FTCDNL1: variants seen among roughly 807,000 people sequenced by gnomAD.
FTCDNL1 encodes formiminotransferase N-terminal subdomain-containing protein.
FTCDNL1 carries 11 observed loss-of-function variants against 5.9 expected under a neutral mutation model. That is an observed-to-expected ratio of 1.87 (90% CI 1.18 to 3.10). The LOEUF (loss-of-function observed/expected upper bound fraction) is 3.10. Ranked by LOEUF, FTCDNL1 falls within the 30% of genes most tolerant of loss-of-function variation. FTCDNL1 has a pLI of 0.00. For synonymous variants in FTCDNL1, 58 were observed against 24.8 expected, an observed-to-expected ratio of 2.34 and a Z score of -3.99; for missense variants, 115 against 65.5, an observed-to-expected ratio of 1.76 and a Z score of -2.61.
At chr2:199,706,489 C>T in the FTCDNL1 span, among the ~76,000 whole-genome samples, 24 of 152,138 alleles carry the variant, frequency 1.6e-4, no homozygotes, top group African/African-American at 5.3e-4. Context: ...TAATGCCAAC[C>T]GGTTAAACCA....
chr2:199,765,556 A>AT lies in FTCDNL1; in HGVS notation c.212-4722dup, dbSNP rs374926252. ...ATTATATATATATATATATATATATATTTTTTTTTTTTTTTTTGGAGATGG... is the reference window on the plus strand; with the variant it reads ...ATTATATATATATATATATATATATATTTTTTTTTTTTTTTTTTGGAGATGG... On this transcript the variant is annotated intron_variant, in intron 3 of 3. Transcript: ENST00000416668. Among the ~76,000 whole-genome samples the AT allele has an allele frequency of 9.6e-3, 408 of 42,648 alleles. 21 individuals are homozygous for AT. The highest frequency in any genetic ancestry group is 0.022 in the African/African-American group (346 of 15,566). 28.0% of individuals were successfully genotyped at this position (42,648 alleles called of 152,430 possible).
At chr2:199,772,401 G>A (rs1003210728) in intron 3 of FTCDNL1, among the ~76,000 whole-genome samples, 6 of 152,152 alleles carry the variant, frequency 3.9e-5, no homozygotes, top group African/African-American at 1.2e-4. Flanking sequence ...GTGACACGTT[G>A]GGCTTCCTCT....
chr2:199,826,270 G>T (rs1429577091), intron 3 of FTCDNL1, among the ~76,000 whole-genome samples: 1 of 152,170 alleles, frequency 6.6e-6, no homozygotes, highest in Admixed American at 6.5e-5. Flanking sequence ...AGATTCAAGG[G>T]CAGGGGTGCA....
At chr2:199,802,495 C>T (rs1157398890) in intron 3 of FTCDNL1, among the ~76,000 whole-genome samples, 1 of 152,218 alleles carries the variant, frequency 6.6e-6, no homozygotes, top group Admixed American at 6.5e-5. Context: ...GGTGACTCTG[C>T]ATGGTTAGCC....
intron 3 of FTCDNL1, among the ~76,000 whole-genome samples, chr2:199,830,889 AAG>A (rs1702329875): frequency 6.6e-6 from 1 of 152,222 alleles, no homozygotes; most frequent in African/African-American, 2.4e-5. Flanking sequence ...TTTATGATGA[AAG>A]AGCAGAAACA....
At chr2:199,745,764 C>A in the FTCDNL1 span, among the ~76,000 whole-genome samples, 2 of 152,154 alleles carry the variant, frequency 1.3e-5, no homozygotes, top group Non-Finnish European at 2.9e-5. Flanking sequence ...ACAAAAGCAA[C>A]CAGGGTCGTG....
intron 3 of FTCDNL1, among the ~76,000 whole-genome samples, chr2:199,839,211 G>C (rs2076515552): frequency 6.6e-6 from 1 of 152,082 alleles, no homozygotes; most frequent in Non-Finnish European, 1.5e-5. Flanking sequence ...ACAAGGTGAG[G>C]GGAGATTATA....
the FTCDNL1 span, among the ~76,000 whole-genome samples, chr2:199,695,232 G>A: frequency 1.3e-5 from 2 of 152,166 alleles, no homozygotes; most frequent in African/African-American, 4.8e-5. Flanking sequence ...TAGAGGGAAG[G>A]CATGACAAAT....
the FTCDNL1 span, among the ~76,000 whole-genome samples, chr2:199,687,768 T>A: frequency 6.6e-6 from 1 of 152,188 alleles, no homozygotes; most frequent in African/African-American, 2.4e-5. Context: ...TAAATAAGAA[T>A]AATAGTAACA....
chr2:199,771,020 T>C (rs1698781998), intron 3 of FTCDNL1, among the ~76,000 whole-genome samples: 1 of 152,342 alleles, frequency 6.6e-6, no homozygotes, highest in South Asian at 2.1e-4. Flanking sequence ...TATACAGCAC[T>C]GAAGGCAAGT....
chr2:199,679,341 G>A, the FTCDNL1 span, among the ~76,000 whole-genome samples: 4 of 151,764 alleles, frequency 2.6e-5, no homozygotes, highest in Non-Finnish European at 5.9e-5. Flanking sequence ...TGGCAATTTT[G>A]GGGTTTTTAA....
At chr2:199,687,186 T>C in the FTCDNL1 span, among the ~76,000 whole-genome samples, 1 of 152,228 alleles carries the variant, frequency 6.6e-6, no homozygotes, top group Non-Finnish European at 1.5e-5. Context: ...TTTGCTGTAG[T>C]TGGAGTTTTT....
the FTCDNL1 span, among the ~76,000 whole-genome samples, chr2:199,664,837 A>T: frequency 6.6e-6 from 1 of 152,188 alleles, no homozygotes; most frequent in Non-Finnish European, 1.5e-5. Context: ...ATACTAGATT[A>T]TGAAAAAACA....
chr2:199,664,841 A>G, the FTCDNL1 span, among the ~76,000 whole-genome samples: 3 of 152,188 alleles, frequency 2.0e-5, no homozygotes, highest in African/African-American at 7.2e-5. Flanking sequence ...TAGATTATGA[A>G]AAAACAGTGG....
the FTCDNL1 span, among the ~76,000 whole-genome samples, chr2:199,702,278 CTAAAA>C: frequency 6.6e-6 from 1 of 151,920 alleles, no homozygotes; most frequent in Non-Finnish European, 1.5e-5. Context: ...ACCCTTGAAC[CTAAAA>C]TAAAAGTTGG....
chr2:199,707,408 G>T, the FTCDNL1 span, among the ~76,000 whole-genome samples: 1 of 151,822 alleles, frequency 6.6e-6, no homozygotes, highest in Non-Finnish European at 1.5e-5. Context: ...TTTACAATTT[G>T]TGTCTTTCAA....
the FTCDNL1 span, among the ~76,000 whole-genome samples, chr2:199,680,356 G>A: frequency 6.6e-6 from 1 of 152,162 alleles, no homozygotes; most frequent in Non-Finnish European, 1.5e-5. Flanking sequence ...ACAAGCCATG[G>A]AATCTTTGGC....
At position 199,809,987 on chromosome 2, in the gene FTCDNL1, G is replaced by T. The variant is rs1025124983; in HGVS notation, c.*2718C>A. Among the ~76,000 whole-genome samples the T allele has an allele frequency of 6.0e-5, 9 of 150,864 alleles. No homozygotes were observed. Among genetic ancestry groups the T allele is most frequent in the African/African-American group, 2.0e-4 (8 of 40,930 alleles). On this transcript the variant is annotated 3_prime_UTR_variant, in exon 5 of 5. Coordinates refer to ENST00000420128, the MANE Select transcript of FTCDNL1 (RefSeq NM_001363886.2). ...GATAATATTTTTTTCCATAACAAAAGTATTTAGGCTATAATCAGGTAACTT... is the reference window on the plus strand; with the variant it reads ...GATAATATTTTTTTCCATAACAAAATTATTTAGGCTATAATCAGGTAACTT...
At chr2:199,828,446 A>G (rs1702165911) in intron 3 of FTCDNL1, among the ~76,000 whole-genome samples, 1 of 152,200 alleles carries the variant, frequency 6.6e-6, no homozygotes, top group African/African-American at 2.4e-5. Flanking sequence ...AGTTTTGTTC[A>G]GATTTGCTGT....
Sources: allele counts gnomAD v4.1 joint callset (sites outside exome capture counted in the v4.1 genomes callset), GRCh38; gene constraint gnomAD v4.1.1; transcripts MANE v1.5; gene names NCBI Gene and HGNC (gene_info 2026-07-23, HGNC 2026-07-21).